Variants in CTNNA2 observed in about 807,000 individuals in gnomAD.
CTNNA2 encodes the protein catenin alpha 2.
CTNNA2 carries 42 observed loss-of-function variants against 101.0 expected under a neutral mutation model. That is an observed-to-expected ratio of 0.42 (90% CI 0.32 to 0.54). The LOEUF (loss-of-function observed/expected upper bound fraction) is 0.54, where lower values mean the gene tolerates loss of function less well. Ranked by LOEUF, CTNNA2 falls within the 20% of genes least tolerant of loss-of-function variation. The probability of loss-of-function intolerance (pLI) is 0.14; values close to 1 mark genes in which losing one functional copy is unlikely to be tolerated. For missense variants in CTNNA2, 871 were observed against 1,223.1 expected (o/e 0.71, Z 4.29); for synonymous variants, 450 against 456.4 (o/e 0.99, Z 0.18).
intron 3 of CTNNA2, among the ~76,000 whole-genome samples, chr2:79,835,329 T>C (rs1679239466): frequency 6.6e-6 from 1 of 152,188 alleles, no homozygotes; most frequent in African/African-American, 2.4e-5. Context: ...TACAATTTTA[T>C]ATTTTAAATA....
chr2:80,558,387 AG>A (rs1305389534), intron 12 of CTNNA2, among the ~76,000 whole-genome samples: 6 of 152,018 alleles, frequency 3.9e-5, no homozygotes, highest in Non-Finnish European at 7.4e-5. Context: ...AGACACGTGG[AG>A]TTTGAGGATG....
At chr2:79,239,958 G>C (rs1418774264) in intron 2 of CTNNA2, among the ~76,000 whole-genome samples, 1 of 145,036 alleles carries the variant, frequency 6.9e-6, no homozygotes, top group Admixed American at 6.9e-5. Flanking sequence ...TTGAGATGGA[G>C]TTTCACTCTT....
At chr2:79,321,325 G>T (rs1034054276) in intron 3 of CTNNA2, among the ~76,000 whole-genome samples, 1 of 152,058 alleles carries the variant, frequency 6.6e-6, no homozygotes, top group African/African-American at 2.4e-5. Context: ...TAGGGCATTG[G>T]CTCCAAATGC....
At chr2:80,507,788 G>A (rs1466870906) in intron 9 of CTNNA2, among the ~76,000 whole-genome samples, 1 of 152,136 alleles carries the variant, frequency 6.6e-6, no homozygotes, top group Non-Finnish European at 1.5e-5. Context: ...GCATTACTAA[G>A]CATCCACTGA....
rs61315719 is a variant in CTNNA2 at position 79,277,463 on chromosome 2, G to C, written c.-405-35246G>C. Among the ~76,000 whole-genome samples the C allele has an allele frequency of 1.7e-3, 259 of 152,092 alleles. 1 individual carries two copies. Among genetic ancestry groups the C allele is most frequent in the African/African-American group, 6.1e-3 (253 of 41,506 alleles). On this transcript the variant is annotated intron_variant, in intron 2 of 21. Coordinates refer to the CTNNA2 transcript ENST00000466387. ...CAGGAGGTCAGGATGCAGCCTGGGGGCAAGACAGCAGTCAGCCTGAAGCAT... is the reference window on the plus strand; with the variant it reads ...CAGGAGGTCAGGATGCAGCCTGGGGCCAAGACAGCAGTCAGCCTGAAGCAT...
intron 2 of CTNNA2, among the ~76,000 whole-genome samples, chr2:79,690,369 A>G (rs2104695546): frequency 6.6e-6 from 1 of 152,160 alleles, no homozygotes; most frequent in Middle Eastern, 3.4e-3. Flanking sequence ...TGAAATAAAG[A>G]CACTTTCATA....
intron 1 of CTNNA2, among the ~76,000 whole-genome samples, chr2:79,628,478 T>A (rs1251301868): frequency 6.6e-6 from 1 of 152,062 alleles, no homozygotes; most frequent in Non-Finnish European, 1.5e-5. Flanking sequence ...TGAATTTGCT[T>A]CAATATCCGG....
At chr2:80,432,047 A>G (rs1681578411) in intron 9 of CTNNA2, among the ~76,000 whole-genome samples, 1 of 152,144 alleles carries the variant, frequency 6.6e-6, no homozygotes, top group Admixed American at 6.6e-5. Context: ...ACACAGTATA[A>G]CCAAAATATT....
chr2:79,678,380 A>G (rs1378362051), intron 2 of CTNNA2, among the ~76,000 whole-genome samples: 1 of 151,932 alleles, frequency 6.6e-6, no homozygotes, highest in African/African-American at 2.4e-5. Flanking sequence ...TGTCTCTACA[A>G]AAAAATCCAA....
intron 9 of CTNNA2, among the ~76,000 whole-genome samples, chr2:80,474,367 G>A (rs1356228266): frequency 4.1e-5 from 2 of 49,118 alleles, no homozygotes; most frequent in African/African-American, 1.8e-4. Context: ...AGAGTTTAAG[G>A]AGAGAATGGA....
At chr2:80,630,771 G>A (rs1189396302) in intron 18 of CTNNA2, among the ~76,000 whole-genome samples, 1 of 152,098 alleles carries the variant, frequency 6.6e-6, no homozygotes, top group Non-Finnish European at 1.5e-5. Context: ...AAGAACATAA[G>A]GCTAAGGATC....
chr2:80,161,366 G>T (rs949413425), intron 7 of CTNNA2, among the ~76,000 whole-genome samples: 1 of 151,966 alleles, frequency 6.6e-6, no homozygotes, highest in African/African-American at 2.4e-5. Flanking sequence ...TATTAAAAAG[G>T]AACAGTACGA....
chr2:79,452,839 T>C (rs572672370), intron 4 of CTNNA2, among the ~76,000 whole-genome samples: 15 of 152,096 alleles, frequency 9.9e-5, no homozygotes, highest in Non-Finnish European at 1.5e-4. Flanking sequence ...TTGAGTTCCA[T>C]TATAACTTTT....
chr2:80,214,630 C>T (rs1379207397), intron 7 of CTNNA2, among the ~76,000 whole-genome samples: 2 of 152,142 alleles, frequency 1.3e-5, no homozygotes, highest in East Asian at 3.9e-4. Flanking sequence ...ACCTCTCTCT[C>T]TGGCTGTGAT....
At chr2:79,318,505 C>T (rs927606673) in intron 3 of CTNNA2, among the ~76,000 whole-genome samples, 1 of 152,206 alleles carries the variant, frequency 6.6e-6, no homozygotes, top group Non-Finnish European at 1.5e-5. Context: ...TTTCCAAGCA[C>T]TGGCTCCACT....
At chr2:80,570,969 C>T (rs1694537321) in intron 12 of CTNNA2, among the ~76,000 whole-genome samples, 1 of 152,044 alleles carries the variant, frequency 6.6e-6, no homozygotes, top group Non-Finnish European at 1.5e-5. Flanking sequence ...TAGGTTTTAG[C>T]TTTCTCCTCT....
chr2:79,878,471 A>G (rs1025118003), intron 6 of CTNNA2, among the ~76,000 whole-genome samples: 1 of 152,208 alleles, frequency 6.6e-6, no homozygotes, highest in Non-Finnish European at 1.5e-5. Flanking sequence ...CAGCCTTGCT[A>G]GCACCAATTG....
intron 7 of CTNNA2, among the ~76,000 whole-genome samples, chr2:79,984,414 G>A (rs993424016): frequency 3.3e-5 from 5 of 152,138 alleles, no homozygotes; most frequent in Non-Finnish European, 5.9e-5. Context: ...GGCTGATTGT[G>A]CTCATTTATC....
intron 7 of CTNNA2, among the ~76,000 whole-genome samples, chr2:80,136,829 G>A (rs1702722396): frequency 6.6e-6 from 1 of 152,048 alleles, no homozygotes; most frequent in African/African-American, 2.4e-5. Context: ...AGTGTAATTG[G>A]CTTTATTGCC....
Sources: allele counts gnomAD v4.1 joint callset (sites outside exome capture counted in the v4.1 genomes callset), GRCh38; gene constraint gnomAD v4.1.1; transcripts MANE v1.5; gene names NCBI Gene and HGNC (gene_info 2026-07-23, HGNC 2026-07-21).